WWC2: variants seen among roughly 807,000 people sequenced by gnomAD.
WWC2 encodes the protein WW and C2 domain containing 2, also known as protein WWC2.
A neutral mutation model predicts 138.5 loss-of-function variants in WWC2; 101 were observed. The ratio of observed to expected loss-of-function variants is 0.73; its 90% CI spans 0.62 to 0.86. The LOEUF (loss-of-function observed/expected upper bound fraction) is 0.86. Ranked by LOEUF, WWC2 falls within the 40% of genes least tolerant of loss-of-function variation. The pLI is 0.00. For synonymous variants in WWC2, 558 were observed against 538.4 expected (o/e 1.04, Z -0.50); for missense variants, 1,420 against 1,419.4 (o/e 1.00, Z -0.01).
At chr4:183,294,058 T>C (rs968474224) in intron 21 of WWC2, among the ~76,000 whole-genome samples, 1 of 152,138 alleles carries the variant, frequency 6.6e-6, no homozygotes, top group East Asian at 1.9e-4. Context: ...ATGTTAAATA[T>C]TCTAGGCTCT....
chr4:183,231,656 A>C, intron 4 of WWC2, among the ~76,000 whole-genome samples: 1 of 152,132 alleles, frequency 6.6e-6, no homozygotes, highest in Non-Finnish European at 1.5e-5. Flanking sequence ...AATAGGACAT[A>C]GGGAATGAAG....
intron 1 of WWC2, among the ~76,000 whole-genome samples, chr4:183,191,193 C>T (rs751571916): frequency 6.6e-6 from 1 of 152,054 alleles, no homozygotes; most frequent in Non-Finnish European, 1.5e-5. Flanking sequence ...TGGTATCTCA[C>T]TCTTTGTCAA....
At chr4:183,139,749 C>T (rs949109580) in intron 1 of WWC2, among the ~76,000 whole-genome samples, 1 of 152,200 alleles carries the variant, frequency 6.6e-6, no homozygotes, top group Non-Finnish European at 1.5e-5. Flanking sequence ...ACCCGTGCCG[C>T]CCTACCCCCG....
chr4:183,245,377 A>G, intron 5 of WWC2, 39 bp from the exon 6 acceptor site: 1 of 1,462,834 alleles, frequency 6.8e-7, no homozygotes, highest in Non-Finnish European at 9.0e-7. Context: ...ATATGCTATC[A>G]TTCTTTGATA....
intron 1 of WWC2, among the ~76,000 whole-genome samples, chr4:183,174,541 T>TA (rs562598158): frequency 2.6e-4 from 40 of 152,222 alleles, no homozygotes; most frequent in Non-Finnish European, 4.6e-4. Flanking sequence ...TTATGCCTTT[T>TA]AAAAAATCCC....
At chr4:183,276,226 CT>C (rs1300882952) in intron 16 of WWC2, among the ~76,000 whole-genome samples, 3 of 151,944 alleles carry the variant, frequency 2.0e-5, no homozygotes, top group African/African-American at 7.2e-5. Flanking sequence ...AAGTATTCTA[CT>C]TATAAGCAGT....
intron 1 of WWC2, among the ~76,000 whole-genome samples, chr4:183,130,540 T>A (rs1230067625): frequency 1.3e-5 from 2 of 152,226 alleles, no homozygotes; most frequent in Admixed American, 1.3e-4. Flanking sequence ...TGTACTTGAT[T>A]CTTTGGTACC....
intron 1 of WWC2, among the ~76,000 whole-genome samples, chr4:183,185,342 A>G (rs1047231913): frequency 2.0e-5 from 3 of 152,228 alleles, no homozygotes; most frequent in South Asian, 2.1e-4. Context: ...TAGCTTAAGT[A>G]GTCAGACAAT....
chr4:183,296,142 G>C (rs568612832), intron 21 of WWC2, among the ~76,000 whole-genome samples: 1 of 152,360 alleles, frequency 6.6e-6, no homozygotes, highest in East Asian at 1.9e-4. Context: ...TGCTGCCATA[G>C]CTGGGTGAGG....
In WWC2 at chr4:183,174,069, A is replaced by G. The variant is rs1446533441; in HGVS notation, c.132-19530A>G. Among the ~76,000 whole-genome samples the G allele has an allele frequency of 2.6e-5, 4 of 152,028 alleles. No individual in the cohort carries two copies. The East Asian group carries it at 7.7e-4, about 29-fold the overall frequency. ...CTTCGGCCTGACAAATGTAAGCCCA[A>G]CTCCTGGGTTCTGCAAACTGAGTAA... On this transcript the variant is annotated intron_variant, in intron 1 of 22. Coordinates refer to ENST00000403733, the MANE Select transcript of WWC2 (RefSeq NM_024949.6).
chr4:183,138,617 A>G (rs1733195678), intron 1 of WWC2, among the ~76,000 whole-genome samples: 1 of 152,126 alleles, frequency 6.6e-6, no homozygotes, highest in Admixed American at 6.5e-5. Flanking sequence ...CCTTTATATA[A>G]AACTTTGCTG....
At chr4:183,260,659 G>A (rs143241578) in intron 10 of WWC2, among the ~76,000 whole-genome samples, 69 of 152,310 alleles carry the variant, frequency 4.5e-4, no homozygotes, top group Non-Finnish European at 9.3e-4. Context: ...AGGCTGTACC[G>A]TCTAGGTTTG....
In WWC2 at chr4:183,160,602, G is replaced by A. The variant is rs924302307; in HGVS notation, c.132-32997G>A. Among the ~76,000 whole-genome samples, 5 of 152,096 alleles carry A rather than the reference G, an allele frequency of 3.3e-5. 1 individual carries two copies. Among genetic ancestry groups the A allele is most frequent in the South Asian group, 2.1e-4 (1 of 4,826 alleles). ...TTACTTTCACTTTGGATTGAAGACCGTTTAAAAAAAATCCCAATCAGTTTG... is the reference window on the plus strand; with the variant it reads ...TTACTTTCACTTTGGATTGAAGACCATTTAAAAAAAATCCCAATCAGTTTG... On this transcript the variant is annotated intron_variant, in intron 1 of 22. Coordinates refer to ENST00000403733, the MANE Select transcript of WWC2 (RefSeq NM_024949.6).
intron 1 of WWC2, among the ~76,000 whole-genome samples, chr4:183,105,612 C>T (rs958677861): frequency 4.6e-5 from 7 of 152,086 alleles, no homozygotes; most frequent in South Asian, 2.1e-4. Context: ...TTGGACTTGC[C>T]GGGCGCTGTG....
chr4:183,206,657 C>T (rs1735455566), intron 2 of WWC2, among the ~76,000 whole-genome samples: 1 of 152,176 alleles, frequency 6.6e-6, no homozygotes, highest in African/African-American at 2.4e-5. Context: ...TTCTCAACCC[C>T]TTCCTCTACT....
At chr4:183,285,747 G>C (rs1476084924) in intron 19 of WWC2, among the ~76,000 whole-genome samples, 1 of 151,944 alleles carries the variant, frequency 6.6e-6, no homozygotes, top group Non-Finnish European at 1.5e-5. Flanking sequence ...GTGACAGAGT[G>C]AGACTCTGTC....
intron 5 of WWC2, among the ~76,000 whole-genome samples, chr4:183,243,088 A>G (rs964240359): frequency 3.3e-5 from 5 of 152,230 alleles, no homozygotes; most frequent in African/African-American, 1.2e-4. Flanking sequence ...CATGTATTCA[A>G]AGCTCTCTGA....
At chr4:183,173,804 C>G (rs916643865) in intron 1 of WWC2, among the ~76,000 whole-genome samples, 6 of 152,130 alleles carry the variant, frequency 3.9e-5, no homozygotes, top group African/African-American at 1.4e-4. Context: ...TTGTTTTTAA[C>G]CACTGAGACT....
At chr4:183,113,749 A>C (rs974856123) in intron 1 of WWC2, among the ~76,000 whole-genome samples, 1 of 150,826 alleles carries the variant, frequency 6.6e-6, no homozygotes, top group African/African-American at 2.4e-5. Flanking sequence ...TCACTACTCT[A>C]TGGAGAAGGA....
Sources: gnomAD v4.1 joint callset for allele counts (sites outside exome capture counted in the v4.1 genomes callset) on GRCh38, gnomAD v4.1.1 for gene constraint, MANE v1.5 for transcripts, NCBI Gene and HGNC (gene_info 2026-07-23, HGNC 2026-07-21) for gene names.